Variants in KCNAB1 observed in about 807,000 individuals in gnomAD.
The protein encoded by KCNAB1 is potassium voltage-gated channel subfamily A regulatory beta subunit 1.
A neutral mutation model predicts 64.6 loss-of-function variants in KCNAB1; 35 were observed. The ratio of observed to expected loss-of-function variants is 0.54; its 90% CI spans 0.41 to 0.72. KCNAB1 has a LOEUF of 0.72. Ranked by LOEUF, KCNAB1 falls within the 30% of genes least tolerant of loss-of-function variation. The probability of loss-of-function intolerance (pLI) is 0.00; values close to 1 mark genes in which losing one functional copy is unlikely to be tolerated. For synonymous variants in KCNAB1, 177 were observed against 183.8 expected (o/e 0.96, Z 0.30); for missense variants, 401 against 512.9 (o/e 0.78, Z 2.11).
chr3:156,341,548 G>A (rs1014305322), intron 1 of KCNAB1, among the ~76,000 whole-genome samples: 1 of 152,164 alleles, frequency 6.6e-6, no homozygotes, highest in African/African-American at 2.4e-5. Context: ...CCTCCGAGCT[G>A]TGTTAGGATG....
chr3:156,171,885 C>G (rs1361003030), intron 1 of KCNAB1, among the ~76,000 whole-genome samples: 1 of 152,152 alleles, frequency 6.6e-6, no homozygotes, highest in East Asian at 1.9e-4. Flanking sequence ...ACAGACTTCT[C>G]TAGTATCTTT....
chr3:156,139,641 A>G (rs964903589), intron 1 of KCNAB1, among the ~76,000 whole-genome samples: 3 of 23,536 alleles, frequency 1.3e-4, no homozygotes, highest in East Asian at 2.6e-3. Flanking sequence ...CCTTTTCTTT[A>G]TAAGCTCTTA....
intron 1 of KCNAB1, among the ~76,000 whole-genome samples, chr3:156,265,246 TAACA>T (rs1378592669): frequency 2.6e-5 from 4 of 152,178 alleles, no homozygotes; most frequent in African/African-American, 9.7e-5. Flanking sequence ...GTGAAAATAA[TAACA>T]AACCCATAAT....
rs145930409 is a variant in KCNAB1 at position 156,180,397 on chromosome 3, G to A, written c.275+59511G>A. On this transcript the variant is annotated intron_variant, in intron 1 of 13. Coordinates refer to ENST00000490337, the MANE Select transcript of KCNAB1 (RefSeq NM_172160.3). ...TTTAAAGAATGTTACCATGTAAAAA[G>A]GGAGTTACTTAGCTATTTAAACTTT... is the stretch of plus-strand genomic sequence containing the variant. Among the ~76,000 whole-genome samples, 1,039 of 152,244 alleles carry A rather than the reference G, an allele frequency of 6.8e-3. 16 individuals are homozygous for A. Among genetic ancestry groups the A allele is most frequent in the African/African-American group, 0.024 (986 of 41,530 alleles).
Position 156,120,793 on chromosome 3 carries a change from C to T in KCNAB1, c.182C>T (p.Ala61Val). The T allele has an allele frequency of 6.2e-7, 1 of 1,614,262 alleles. No homozygotes were observed. The highest frequency in any genetic ancestry group is 2.2e-5 in the East Asian group (1 of 44,882). Reference protein sequence around the residue: ...GESQLRARQLALLREVEMNWY... With the variant: ...GESQLRARQLVLLREVEMNWY... ...AGCCAGCTCAGGGCGCGTCAACTGGCTCTGCTGCGCGAAGTGGAGATGAAC... is the reference window on the plus strand; with the variant it reads ...AGCCAGCTCAGGGCGCGTCAACTGGTTCTGCTGCGCGAAGTGGAGATGAAC... Residue 61 changes from alanine (A) to valine (V), a missense_variant, in exon 1 of 14, where the codon GCT (alanine) becomes GTT (valine). Ala to Val is a moderately conservative substitution (Grantham distance 64). Coordinates refer to ENST00000490337, the MANE Select transcript of KCNAB1 (RefSeq NM_172160.3).
At chr3:156,121,725 C>A (rs1221387561) in intron 1 of KCNAB1, among the ~76,000 whole-genome samples, 1 of 151,988 alleles carries the variant, frequency 6.6e-6, no homozygotes, top group Admixed American at 6.6e-5. Context: ...ATAAAAATTC[C>A]TTTGAGATGA....
chr3:156,267,748 AT>A (rs1046037548), intron 1 of KCNAB1, among the ~76,000 whole-genome samples: 1 of 151,908 alleles, frequency 6.6e-6, no homozygotes, highest in Non-Finnish European at 1.5e-5. Context: ...TTGCTTTTTA[AT>A]TTTTTTAAAA....
intron 1 of KCNAB1, among the ~76,000 whole-genome samples, chr3:156,320,275 G>A (rs978795395): frequency 5.3e-5 from 8 of 152,088 alleles, no homozygotes; most frequent in Admixed American, 2.0e-4. Context: ...GCTCCTCAAG[G>A]GAAGTACATT....
chr3:156,158,155 ACT>A (rs1715837875), intron 1 of KCNAB1, among the ~76,000 whole-genome samples: 1 of 140,756 alleles, frequency 7.1e-6, no homozygotes, highest in Non-Finnish European at 1.5e-5. Flanking sequence ...ACAGAGCGAA[ACT>A]CTGTCTCAAA....
intron 8 of KCNAB1, among the ~76,000 whole-genome samples, chr3:156,496,088 G>C (rs190063430): frequency 2.4e-3 from 367 of 152,240 alleles, no homozygotes; most frequent in Middle Eastern, 6.8e-3. Flanking sequence ...GTAAGAGGTG[G>C]GTTTGGGAGG....
At chr3:156,155,918 C>T (rs1715684227) in intron 1 of KCNAB1, among the ~76,000 whole-genome samples, 1 of 152,186 alleles carries the variant, frequency 6.6e-6, no homozygotes, top group Non-Finnish European at 1.5e-5. Context: ...TTCCAATTGT[C>T]CTTTCCCACT....
In KCNAB1 at chr3:156,452,338, T is replaced by G. The variant is rs978957946; in HGVS notation, c.320-561T>G. On this transcript the variant is annotated intron_variant, in intron 2 of 13. Transcript: ENST00000490337. The surrounding 1 kb of genome is among the most constrained non-coding windows in gnomAD (Gnocchi z 4.6). ...CTGTCTCCACTCTCACCCAAACCAGTGGAGATTTCCATTCTGGAATGGCAG... is the reference window on the plus strand; with the variant it reads ...CTGTCTCCACTCTCACCCAAACCAGGGGAGATTTCCATTCTGGAATGGCAG... 6.6e-6 allele frequency among the ~76,000 whole-genome samples: 1 copy of G among 152,198 alleles called. No homozygotes were observed. Among genetic ancestry groups the G allele is most frequent in the East Asian group, 1.9e-4 (1 of 5,180 alleles).
intron 2 of KCNAB1, among the ~76,000 whole-genome samples, chr3:156,428,740 G>A (rs1004966320): frequency 5.3e-5 from 8 of 152,202 alleles, no homozygotes; most frequent in South Asian, 2.1e-4. Context: ...GTAAAATACC[G>A]TCATCCAAAT....
In KCNAB1 at chr3:156,474,726, G is replaced by C. The variant is rs1175324197; in HGVS notation, c.572-8G>C. On this transcript the variant is annotated splice_region_variant and splice_polypyrimidine_tract_variant and intron_variant, in intron 7 of 13. Transcript: ENST00000490337. ...ATTTTGGGGTTTGTTTCCTGCTTCT[G>C]CTCCCAGGATTGAAGGGCTCCCTCC... is the stretch of plus-strand genomic sequence containing the variant. 1.2e-6 allele frequency: 2 copies of C among 1,610,952 alleles called. No homozygotes were observed. Among genetic ancestry groups the C allele is most frequent in the South Asian group, 2.2e-5 (2 of 90,982 alleles).
chr3:156,486,545 G>A (rs566397396), intron 8 of KCNAB1, among the ~76,000 whole-genome samples: 1 of 152,210 alleles, frequency 6.6e-6, no homozygotes, highest in African/African-American at 2.4e-5. Context: ...AGGAGCTGAT[G>A]CATGCCTGGA....
At chr3:156,272,129 A>C (rs1214892673) in intron 1 of KCNAB1, among the ~76,000 whole-genome samples, 1 of 152,244 alleles carries the variant, frequency 6.6e-6, no homozygotes, top group Non-Finnish European at 1.5e-5. Context: ...GGCTACCACC[A>C]CTGGGATTGT....
intron 1 of KCNAB1, among the ~76,000 whole-genome samples, chr3:156,332,193 G>T (rs1412470362): frequency 6.6e-6 from 1 of 152,098 alleles, no homozygotes; most frequent in African/African-American, 2.4e-5. Context: ...TGGGCTTTAT[G>T]TGTTTGAATT....
intron 1 of KCNAB1, among the ~76,000 whole-genome samples, chr3:156,276,138 T>C (rs2108497896): frequency 6.6e-6 from 1 of 152,326 alleles, no homozygotes; most frequent in African/African-American, 2.4e-5. Flanking sequence ...GAAAACAACA[T>C]TAATCCCCTT....
chr3:156,133,084 A>G (rs1343482564), intron 1 of KCNAB1, among the ~76,000 whole-genome samples: 1 of 152,228 alleles, frequency 6.6e-6, no homozygotes, highest in African/African-American at 2.4e-5. Flanking sequence ...TAGTCTTCAT[A>G]TTTAATTTGA....
Sources: allele counts gnomAD v4.1 joint callset (sites outside exome capture counted in the v4.1 genomes callset), GRCh38; gene constraint gnomAD v4.1.1; non-coding constraint Gnocchi (gnomAD v3.1); transcripts MANE v1.5; gene names NCBI Gene and HGNC (gene_info 2026-07-23, HGNC 2026-07-21).